ACACA: variants seen among roughly 807,000 people sequenced by gnomAD.
The protein encoded by ACACA is acetyl-CoA carboxylase alpha.
A neutral mutation model predicts 296.1 loss-of-function variants in ACACA; 103 were observed. That is an observed-to-expected ratio of 0.35 (90% CI 0.30 to 0.41). ACACA has a LOEUF of 0.41. ACACA is among the 10% of genes least tolerant of loss of function. The pLI is 1.00. For missense variants in ACACA, 1,554 were observed against 2,989.7 expected (o/e 0.52, Z 11.20); for synonymous variants, 953 against 1,038.6 (o/e 0.92, Z 1.58).
chr17:37,406,139 A>T, intron 1 of ACACA, 123 bp downstream of exon 1: 1 of 1,115,616 alleles, frequency 9.0e-7, no homozygotes, highest in African/African-American at 1.5e-5. Flanking sequence ...CTACCTCACA[A>T]GTTTTAAATG....
chr17:37,338,381 G>A (rs958453525), intron 2 of ACACA, among the ~76,000 whole-genome samples: 1 of 152,032 alleles, frequency 6.6e-6, no homozygotes, highest in Non-Finnish European at 1.5e-5. Context: ...TACAGGCCAG[G>A]CACAGTGGCT....
At chr17:37,342,926 T>TCAAAAA (rs1343561032) in intron 1 of ACACA, among the ~76,000 whole-genome samples, 1 of 151,934 alleles carries the variant, frequency 6.6e-6, no homozygotes, top group Admixed American at 6.6e-5. Context: ...AGATTTTGTC[T>TCAAAAA]CAAAAACAAA....
At chr17:37,297,550 C>CT (rs1491458276) in intron 3 of ACACA, among the ~76,000 whole-genome samples, 4 of 147,510 alleles carry the variant, frequency 2.7e-5, no homozygotes, top group African/African-American at 7.6e-5. Flanking sequence ...TATATATACA[C>CT]TTTTTTTTTG....
intron 43 of ACACA, among the ~76,000 whole-genome samples, chr17:37,155,027 T>A (rs1271949662): frequency 1.3e-5 from 2 of 152,162 alleles, no homozygotes; most frequent in Non-Finnish European, 2.9e-5. Context: ...AATTATTTTT[T>A]AAAATCCTTA....
intron 41 of ACACA, among the ~76,000 whole-genome samples, chr17:37,175,815 C>G (rs1332623065): frequency 1.3e-5 from 2 of 152,100 alleles, no homozygotes; most frequent in East Asian, 3.8e-4. Flanking sequence ...TCTCCTATAC[C>G]TTTCATCATG....
Position 37,179,424 on chromosome 17 carries a change from T to A in ACACA, c.4933-18A>T. On this transcript the variant is annotated intron_variant, in intron 40 of 55. Transcript: ENST00000616317. ...ATCAGGGACTAGTGGAGAAAAGAAG[T>A]TTGACTAATCAGTCACAATAATTTC... 1 of 1,613,718 alleles carries A rather than the reference T, an allele frequency of 6.2e-7. No individual in the cohort carries two copies. The highest frequency in any genetic ancestry group is 8.5e-7 in the Non-Finnish European group (1 of 1,179,678).
At chr17:37,142,762 CT>C (rs2075645629) in intron 45 of ACACA, among the ~76,000 whole-genome samples, 1 of 152,210 alleles carries the variant, frequency 6.6e-6, no homozygotes, top group African/African-American at 2.4e-5. Flanking sequence ...AACATCGTGC[CT>C]CTCACATTAA....
intron 5 of ACACA, among the ~76,000 whole-genome samples, chr17:37,279,644 T>TA (rs34306905): frequency 0.26 from 33,577 of 129,542 alleles, 4,397 homozygotes; most frequent in Admixed American, 0.37. Flanking sequence ...AGACTCCGTC[T>TA]AAAAAAAAAA....
At chr17:37,107,488 T>C (rs2073755752) in intron 52 of ACACA, among the ~76,000 whole-genome samples, 1 of 152,196 alleles carries the variant, frequency 6.6e-6, no homozygotes, top group Admixed American at 6.5e-5. Context: ...GCCACCACAA[T>C]GCTCCATATC....
chr17:37,129,509 A>G lies in ACACA; in HGVS notation c.5824-24T>C. 6 of 1,613,688 alleles carry G rather than the reference A, an allele frequency of 3.7e-6. No homozygotes were observed. The South Asian group carries it at 6.6e-5, about 18-fold the overall frequency. ...CTCTAAAAGGAGATTGGAAGAGAGC[A>G]CAGCAATCAGTGAACGACAGCCCTA... On this transcript the variant is annotated intron_variant, in intron 46 of 55. Coordinates refer to ENST00000616317, the MANE Select transcript of ACACA (RefSeq NM_198834.3).
chr17:37,289,871 T>C (rs1232836534), intron 3 of ACACA, among the ~76,000 whole-genome samples: 2 of 152,224 alleles, frequency 1.3e-5, no homozygotes, highest in African/African-American at 4.8e-5. Flanking sequence ...CACTTACATC[T>C]TTCCTCCCAA....
chr17:37,383,775 C>A (rs1331178263), intron 1 of ACACA, among the ~76,000 whole-genome samples: 2 of 152,186 alleles, frequency 1.3e-5, no homozygotes, highest in Non-Finnish European at 2.9e-5. Flanking sequence ...AGCTCCTGTC[C>A]TCAAGTGAGA....
intron 30 of ACACA, among the ~76,000 whole-genome samples, chr17:37,209,763 T>A (rs1483868879): frequency 6.6e-6 from 1 of 152,202 alleles, no homozygotes; most frequent in African/African-American, 2.4e-5. Context: ...ATTTTGTGGA[T>A]TCAATTCCAA....
intron 29 of ACACA, among the ~76,000 whole-genome samples, chr17:37,216,158 A>AC (rs1491144220): frequency 0.078 from 7,391 of 95,220 alleles, 412 homozygotes; most frequent in African/African-American, 0.18. Flanking sequence ...ACACACACAC[A>AC]ACATACACAT....
At chr17:37,237,842 C>G (rs546230732) in intron 24 of ACACA, among the ~76,000 whole-genome samples, 2 of 152,302 alleles carry the variant, frequency 1.3e-5, no homozygotes, top group South Asian at 2.1e-4. Context: ...CTCACTACAG[C>G]CTCGACCTCC....
At chr17:37,175,119 T>A (rs2077060896) in intron 41 of ACACA, among the ~76,000 whole-genome samples, 1 of 152,186 alleles carries the variant, frequency 6.6e-6, no homozygotes. Context: ...CTCTAACATA[T>A]CTTTCAGCAT....
chr17:37,174,272 A>G (rs1490539377), intron 41 of ACACA, among the ~76,000 whole-genome samples: 3 of 151,556 alleles, frequency 2.0e-5, no homozygotes, highest in African/African-American at 7.3e-5. Flanking sequence ...ATCTTCAACC[A>G]AAGAGTTAAA....
chr17:37,181,089 G>C (rs2077300618), intron 40 of ACACA, 112 bp downstream of exon 40: 1 of 1,119,984 alleles, frequency 8.9e-7, no homozygotes, highest in Admixed American at 1.7e-5. Flanking sequence ...ACAGTGTCAA[G>C]ATATTTCTTG....
intron 1 of ACACA, among the ~76,000 whole-genome samples, chr17:37,380,287 A>AG (rs372165824): frequency 0.051 from 3,362 of 65,990 alleles, 194 homozygotes; most frequent in African/African-American, 0.17. Context: ...GGGTGGGGGG[A>AG]GGGGGGAGGG....
Sources: gnomAD v4.1 joint callset for allele counts (sites outside exome capture counted in the v4.1 genomes callset) on GRCh38, gnomAD v4.1.1 for gene constraint, MANE v1.5 for transcripts, NCBI Gene and HGNC (gene_info 2026-07-23, HGNC 2026-07-21) for gene names.